AKAP6: variants seen among roughly 807,000 people sequenced by gnomAD.
The protein encoded by AKAP6 is A-kinase anchor protein 6.
A neutral mutation model predicts 188.5 loss-of-function variants in AKAP6; 58 were observed. The observed-to-expected ratio is 0.31, with a 90% CI of 0.25 to 0.38. The LOEUF is 0.38. AKAP6 is among the 10% of genes least tolerant of loss of function. The pLI is 1.00. For missense variants in AKAP6, 2,710 were observed against 2,740.0 expected, an observed-to-expected ratio of 0.99 and a Z score of 0.24; for synonymous variants, 989 against 998.6, an observed-to-expected ratio of 0.99 and a Z score of 0.18.
intron 3 of AKAP6, among the ~76,000 whole-genome samples, chr14:32,540,928 C>T (rs1022660508): frequency 5.3e-5 from 8 of 151,546 alleles, no homozygotes; most frequent in South Asian, 2.1e-4. Flanking sequence ...ATAGTTACCC[C>T]GTGAGGGATA....
chr14:32,816,371 T>G (rs1025848328), intron 12 of AKAP6, among the ~76,000 whole-genome samples: 3 of 152,048 alleles, frequency 2.0e-5, no homozygotes, highest in African/African-American at 7.2e-5. Flanking sequence ...TTTAAAAAAT[T>G]TTTACATTGA....
At chr14:32,507,541 GT>G (rs201941553) in intron 2 of AKAP6, among the ~76,000 whole-genome samples, 41,155 of 148,090 alleles carry the variant, frequency 0.28, 5,793 homozygotes, top group East Asian at 0.36. Context: ...CATTGTGGTG[GT>G]TTTTTTTTTT....
chr14:32,541,996 A>G (rs1315551955), intron 3 of AKAP6, among the ~76,000 whole-genome samples: 2 of 152,218 alleles, frequency 1.3e-5, no homozygotes, highest in African/African-American at 4.8e-5. Flanking sequence ...CTTCATTATT[A>G]AAAATAATAA....
intron 3 of AKAP6, among the ~76,000 whole-genome samples, chr14:32,539,254 A>G (rs886649510): frequency 3.9e-5 from 6 of 152,198 alleles, no homozygotes; most frequent in Admixed American, 1.3e-4. Context: ...TATCAACACA[A>G]TAGGAAACAT....
chr14:32,426,427 C>T (rs12437337), intron 1 of AKAP6, among the ~76,000 whole-genome samples: 40,544 of 152,012 alleles, frequency 0.27, 6,825 homozygotes, highest in East Asian at 0.6. Context: ...CAGTAATGTC[C>T]GTTGATTTAA....
intron 10 of AKAP6, 56 bp downstream of exon 10, chr14:32,732,656 A>G (rs1164416637): frequency 6.3e-7 from 1 of 1,580,952 alleles, no homozygotes; most frequent in African/African-American, 1.3e-5. Context: ...TGCGTAGTGA[A>G]GTACTCTGTC....
In AKAP6 at chr14:32,545,634, A is replaced by G. The variant is rs1229753391; in HGVS notation, c.981A>G (p.Ser327=). 3.7e-6 allele frequency: 6 copies of G among 1,614,090 alleles called. No homozygotes were observed. The highest frequency in any genetic ancestry group is 2.7e-5 in the African/African-American group (2 of 74,940). Residue 327 remains serine, a synonymous_variant, in exon 4 of 14, where the codon TCA becomes TCG. Transcript: ENST00000280979. ...EQPGLTLGVS[S]SSGEALTNAA... ...CAGGCTTAACACTGGGGGTGTCATC[A>G]TCTTCAGGAGAAGCTCTGACAAATG...
intron 11 of AKAP6, among the ~76,000 whole-genome samples, chr14:32,750,680 A>G (rs1274752713): frequency 1.3e-5 from 2 of 151,970 alleles, no homozygotes; most frequent in African/African-American, 4.8e-5. Context: ...ACAGTGAGCT[A>G]CAATTGTGCA....
At chr14:32,649,091 G>T (rs1888102637) in intron 7 of AKAP6, among the ~76,000 whole-genome samples, 1 of 152,068 alleles carries the variant, frequency 6.6e-6, no homozygotes, top group East Asian at 1.9e-4. Context: ...CAGTCTTCGG[G>T]TCTCATAGAG....
chr14:32,723,609 A>G (rs1476202020), intron 9 of AKAP6, among the ~76,000 whole-genome samples: 5 of 150,696 alleles, frequency 3.3e-5, no homozygotes, highest in South Asian at 2.1e-4. Flanking sequence ...TTTAAAATGT[A>G]TATGTCTTGC....
At chr14:32,714,866 G>A (rs1435549283) in intron 9 of AKAP6, among the ~76,000 whole-genome samples, 1 of 151,754 alleles carries the variant, frequency 6.6e-6, no homozygotes, top group Non-Finnish European at 1.5e-5. Context: ...CACATTGGAT[G>A]TCATGGCAAA....
intron 11 of AKAP6, among the ~76,000 whole-genome samples, chr14:32,742,480 C>G (rs1037288053): frequency 2.0e-5 from 3 of 151,354 alleles, no homozygotes; most frequent in African/African-American, 4.8e-5. Flanking sequence ...GAAGTTTTTC[C>G]TCTTTTTTTG....
chr14:32,515,300 C>T (rs1455559021), intron 2 of AKAP6, among the ~76,000 whole-genome samples: 3 of 152,184 alleles, frequency 2.0e-5, no homozygotes, highest in African/African-American at 7.2e-5. Flanking sequence ...TCCACCCGGC[C>T]CCACCTTTGA....
chr14:32,641,832 A>G (rs986729759), intron 7 of AKAP6, among the ~76,000 whole-genome samples: 3 of 152,278 alleles, frequency 2.0e-5, no homozygotes, highest in Non-Finnish European at 4.4e-5. Flanking sequence ...GGGGAGGGGA[A>G]CACGTTTTTA....
In AKAP6 at chr14:32,822,001, A is replaced by G. The variant is rs2034535427; in HGVS notation, c.4188A>G (p.Glu1396=). 3 of 1,613,950 alleles carry G rather than the reference A, an allele frequency of 1.9e-6. No individual in the cohort carries two copies. In the East Asian group the frequency reaches 6.7e-5, roughly 36 times the overall value. Residue 1396 remains glutamate (E), a synonymous_variant, in exon 13 of 14, where the codon GAA becomes GAG. Transcript: ENST00000280979. ...GGTCCCCAAGTAACCTTGAAACTGA[A>G]CATCTGGACCCACAAATGGGAGATG... The part of the protein sequence containing the change: ...VDGSPSNLET[E]HLDPQMGDAV...
At chr14:32,657,347 G>A (rs968263785) in intron 7 of AKAP6, among the ~76,000 whole-genome samples, 2 of 152,118 alleles carry the variant, frequency 1.3e-5, no homozygotes, top group Admixed American at 1.3e-4. Context: ...GCAACCCTCG[G>A]TAGAGTCAAT....
chr14:32,782,968 G>T (rs898780587), intron 12 of AKAP6, among the ~76,000 whole-genome samples: 1 of 151,882 alleles, frequency 6.6e-6, no homozygotes, highest in Admixed American at 6.6e-5. Context: ...TGAGAAAGAT[G>T]AGTTAAATTG....
chr14:32,638,854 A>C (rs1260795950), intron 7 of AKAP6, among the ~76,000 whole-genome samples: 2 of 152,004 alleles, frequency 1.3e-5, no homozygotes, highest in Non-Finnish European at 2.9e-5. Flanking sequence ...AATATACAAC[A>C]TAATATAACT....
At chr14:32,391,079 C>T (rs1334309918) in intron 1 of AKAP6, among the ~76,000 whole-genome samples, 2 of 152,120 alleles carry the variant, frequency 1.3e-5, no homozygotes, top group Non-Finnish European at 2.9e-5. Context: ...TTCCCTGAGA[C>T]CCAGATGTCA....
Sources: allele counts gnomAD v4.1 joint callset (sites outside exome capture counted in the v4.1 genomes callset), GRCh38; gene constraint gnomAD v4.1.1; transcripts MANE v1.5; gene names NCBI Gene and HGNC (gene_info 2026-07-23, HGNC 2026-07-21).